The following PTRH2 variants were observed in gnomAD, a reference collection of about 807,000 sequenced individuals.
The protein encoded by PTRH2 is peptidyl-tRNA hydrolase 2, mitochondrial.
Under a neutral mutation model 12.3 loss-of-function variants are expected in PTRH2, and 10 were observed. That is an observed-to-expected ratio of 0.81 (90% CI 0.50 to 1.38). PTRH2 has a LOEUF of 1.38. PTRH2 is among the 40% of genes most tolerant of loss of function. The pLI is 0.00. For synonymous variants in PTRH2, 73 were observed against 77.4 expected, an observed-to-expected ratio of 0.94 and a Z score of 0.30; for missense variants, 176 against 214.1, an observed-to-expected ratio of 0.82 and a Z score of 1.11.
rs186721741 is a variant in PTRH2 at position 59,700,255 on chromosome 17, G to A, written c.1-2277C>T. On this transcript the variant is annotated intron_variant, in intron 1 of 1. Transcript: ENST00000393038. Reference sequence around the variant, plus strand: ...AAAATCTTGCTACTTCGGCAAAGCTGTTCATAATATTTGAGTCACCAATAA... The same window carrying A: ...AAAATCTTGCTACTTCGGCAAAGCTATTCATAATATTTGAGTCACCAATAA... The A allele has an allele frequency of 4.6e-5, 7 of 152,310 alleles. No individual in the cohort carries two copies. The East Asian group carries it at 1.2e-3, about 25-fold the overall frequency. The allele number at this position is 152,310 out of a possible 1,614,324, so 9.4% of individuals were successfully genotyped here.
intron 1 of PTRH2, among the ~76,000 whole-genome samples, chr17:59,706,408 T>C (rs769069121): frequency 7.9e-5 from 12 of 152,012 alleles, no homozygotes; most frequent in Non-Finnish European, 1.8e-4. Flanking sequence ...CCCAGGCTGT[T>C]CTCAAACTCC....
chr17:59,700,383 T>C (rs1241355225), intron 1 of PTRH2: 2 of 152,212 alleles, frequency 1.3e-5, no homozygotes, highest in Non-Finnish European at 2.9e-5. Context: ...TCTAAGCATT[T>C]ATAAACATGG....
intron 1 of PTRH2, among the ~76,000 whole-genome samples, chr17:59,706,481 C>T (rs368142706): frequency 5.6e-4 from 85 of 152,132 alleles, no homozygotes; most frequent in African/African-American, 2.0e-3. Context: ...TGAGCCACCG[C>T]GCCGGGTCTG....
intron 1 of PTRH2, among the ~76,000 whole-genome samples, chr17:59,704,936 C>T (rs1418740289): frequency 1.6e-4 from 24 of 152,150 alleles, no homozygotes; most frequent in Admixed American, 5.9e-4. Flanking sequence ...TACAGGCACC[C>T]GCCACCACAC....
chr17:59,701,465 G>A (rs2033552541), intron 1 of PTRH2: 1 of 152,022 alleles, frequency 6.6e-6, no homozygotes, highest in Non-Finnish European at 1.5e-5. Context: ...TATAGGAATG[G>A]GTATCTGAAA....
intron 1 of PTRH2, among the ~76,000 whole-genome samples, chr17:59,704,210 G>A (rs141182765): frequency 1.3e-5 from 2 of 152,314 alleles, no homozygotes; most frequent in African/African-American, 4.8e-5. Flanking sequence ...TAAAAAAAGT[G>A]TCTAAGGTAC....
At chr17:59,700,614 G>A (rs1490009326) in intron 1 of PTRH2, 1 of 152,028 alleles carries the variant, frequency 6.6e-6, no homozygotes, top group East Asian at 1.9e-4. Flanking sequence ...TTTGAGGTGG[G>A]GTCAAGAGAT....
chr17:59,698,929 A>G (rs2033504170), intron 1 of PTRH2: 1 of 714,150 alleles, frequency 1.4e-6, no homozygotes, highest in Admixed American at 2.0e-5. Flanking sequence ...GCACTGAAAT[A>G]GAATTAATTG....
Position 59,697,831 on chromosome 17 carries a change from T to C in PTRH2, c.148A>G (p.Thr50Ala). The C allele has an allele frequency of 6.2e-7, 1 of 1,614,200 alleles. No homozygotes were observed. The highest frequency in any genetic ancestry group is 8.5e-7 in the Non-Finnish European group (1 of 1,180,026). ...ATGCTTGCTTCACTTTCAGTATCTG[T>C]GTGTGTCTTGCTCGTCTTGCTTTTG... The part of the protein sequence containing the change: ...LPKSKTSKTH[T>A]DTESEASILG... Residue 50 changes from threonine (T) to alanine (A), a missense_variant, in exon 2 of 2, where the codon ACA (threonine) becomes GCA (alanine). Thr to Ala is a moderately conservative substitution (Grantham distance 58). Transcript: ENST00000393038.
At chr17:59,705,488 T>C (rs2033623899) in intron 1 of PTRH2, among the ~76,000 whole-genome samples, 2 of 152,144 alleles carry the variant, frequency 1.3e-5, no homozygotes, top group African/African-American at 2.4e-5. Context: ...GGCATGATCA[T>C]AGCTCGCTAC....
At position 59,697,992 on chromosome 17, in the gene PTRH2, A is replaced by C. The variant is rs755570797; in HGVS notation, c.1-14T>G. 8.1e-6 allele frequency: 13 copies of C among 1,605,732 alleles called. No individual in the cohort carries two copies. In the African/African-American group the frequency reaches 1.1e-4, roughly 13 times the overall value. ...TTTGGAGGGCATCTTAAAGGAAAGGAAAACAGTTATCACTATCCGGCAGTA... is the reference window on the plus strand; with the variant it reads ...TTTGGAGGGCATCTTAAAGGAAAGGCAAACAGTTATCACTATCCGGCAGTA... On this transcript the variant is annotated splice_polypyrimidine_tract_variant and intron_variant, in intron 1 of 1. Transcript: ENST00000393038.
intron 1 of PTRH2, among the ~76,000 whole-genome samples, chr17:59,704,900 G>A (rs183950590): frequency 5.3e-5 from 8 of 152,042 alleles, no homozygotes; most frequent in African/African-American, 1.7e-4. Flanking sequence ...CAATTCTCCC[G>A]CCTCAGCCTC....
At chr17:59,699,709 T>C (rs1598258041) in intron 1 of PTRH2, 2 of 153,120 alleles carry the variant, frequency 1.3e-5, no homozygotes, top group South Asian at 2.1e-4. Flanking sequence ...GCTGCATCAC[T>C]GATTTGCTTC....
intron 1 of PTRH2, among the ~76,000 whole-genome samples, chr17:59,704,066 C>T (rs1302556068): frequency 6.6e-6 from 1 of 151,952 alleles, no homozygotes; most frequent in Non-Finnish European, 1.5e-5. Context: ...CCTCGACCTC[C>T]CAAAGTGCTG....
chr17:59,703,770 T>C (rs2033594927), intron 1 of PTRH2, among the ~76,000 whole-genome samples: 1 of 151,492 alleles, frequency 6.6e-6, no homozygotes, highest in Non-Finnish European at 1.5e-5. Flanking sequence ...CCTCCCAAAG[T>C]GCTGGGATTA....
chr17:59,706,938 G>A (rs917051309), intron 1 of PTRH2, among the ~76,000 whole-genome samples: 3 of 151,930 alleles, frequency 2.0e-5, no homozygotes, highest in African/African-American at 7.3e-5. Context: ...CTCCCAAAGT[G>A]CTGGGATTAC....
At chr17:59,701,766 C>T (rs971987679) in intron 1 of PTRH2, among the ~76,000 whole-genome samples, 4 of 152,070 alleles carry the variant, frequency 2.6e-5, no homozygotes, top group African/African-American at 9.6e-5. Context: ...CATGCAGTGG[C>T]GCGATCTCAG....
At chr17:59,702,629 T>G (rs1426822752) in intron 1 of PTRH2, among the ~76,000 whole-genome samples, 1 of 152,218 alleles carries the variant, frequency 6.6e-6, no homozygotes, top group Non-Finnish European at 1.5e-5. Context: ...GCTGCTATAA[T>G]GTAGTAATAG....
At chr17:59,702,364 T>C (rs953583214) in intron 1 of PTRH2, among the ~76,000 whole-genome samples, 2 of 152,156 alleles carry the variant, frequency 1.3e-5, no homozygotes, top group Admixed American at 6.5e-5. Flanking sequence ...ACAACACAGA[T>C]CCCTCGCATG....
Sources: allele counts gnomAD v4.1 joint callset (sites outside exome capture counted in the v4.1 genomes callset), GRCh38; gene constraint gnomAD v4.1.1; transcripts MANE v1.5; gene names NCBI Gene and HGNC (gene_info 2026-07-23, HGNC 2026-07-21).